Variants in LOXHD1 observed in about 807,000 individuals in gnomAD.
LOXHD1 encodes the protein lipoxygenase homology domain-containing protein 1.
In LOXHD1, 205 loss-of-function variants were observed where a neutral mutation model predicts 248.2. That is an observed-to-expected ratio of 0.83 (90% CI 0.74 to 0.93). The LOEUF is 0.93. Ranked by LOEUF, LOXHD1 falls within the 40% of genes least tolerant of loss-of-function variation. LOXHD1 has a pLI of 0.00. For missense variants in LOXHD1, 2,930 were observed against 2,971.6 expected (o/e 0.99, Z 0.33); for synonymous variants, 1,113 against 1,162.8 (o/e 0.96, Z 0.87).
At chr18:46,604,281 AC>A in intron 6 of LOXHD1, 52 bp from the exon 7 acceptor site, 1 of 1,546,846 alleles carries the variant, frequency 6.5e-7, no homozygotes, top group Non-Finnish European at 8.7e-7. Flanking sequence ...TTGAGGGTGC[AC>A]CTGGAGATCT....
intron 21 of LOXHD1, among the ~76,000 whole-genome samples, chr18:46,548,665 A>G (rs2143845115): frequency 6.6e-6 from 1 of 152,358 alleles, no homozygotes; most frequent in African/African-American, 2.4e-5. Flanking sequence ...CAATTAAGGA[A>G]GAGAGACAGA....
chr18:46,651,532 G>A (rs1471676380), intron 1 of LOXHD1, among the ~76,000 whole-genome samples: 3 of 151,956 alleles, frequency 2.0e-5, no homozygotes, highest in African/African-American at 7.3e-5. Context: ...ATAGACACCG[G>A]AGAATGCTTG....
intron 4 of LOXHD1, 114 bp downstream of exon 4, chr18:46,639,502 G>A: frequency 1.6e-6 from 2 of 1,267,550 alleles, no homozygotes. Context: ...GGCCCTGGAG[G>A]CATGCCAAGA....
chr18:46,604,966 C>T (rs1877367033), intron 6 of LOXHD1, among the ~76,000 whole-genome samples: 1 of 152,116 alleles, frequency 6.6e-6, no homozygotes, highest in African/African-American at 2.4e-5. Context: ...ACATGTATCT[C>T]ATAACATCAT....
intron 34 of LOXHD1, among the ~76,000 whole-genome samples, chr18:46,510,032 C>T (rs936868456): frequency 6.6e-6 from 1 of 152,158 alleles, no homozygotes; most frequent in Non-Finnish European, 1.5e-5. Flanking sequence ...GAAATGGCCC[C>T]GAACCAAGAG....
chr18:46,649,042 A>G (rs2039072677), intron 2 of LOXHD1, 113 bp downstream of exon 2: 2 of 840,272 alleles, frequency 2.4e-6, no homozygotes, highest in African/African-American at 3.4e-5. Context: ...ACCACTTAAT[A>G]ACCTGTGGTC....
At chr18:46,590,556 G>A (rs2038147449) in intron 12 of LOXHD1, among the ~76,000 whole-genome samples, 1 of 152,148 alleles carries the variant, frequency 6.6e-6, no homozygotes, top group South Asian at 2.1e-4. Context: ...CTGCCTTGGT[G>A]GACTACATAT....
chr18:46,608,035 G>GGAAGGAAGGAAGGAAGGAAGGAAGGAA (rs2038444221), intron 6 of LOXHD1, among the ~76,000 whole-genome samples: 1 of 111,268 alleles, frequency 9.0e-6, no homozygotes. Flanking sequence ...GAAGGAAGGA[G>GGAAGGAAGGAAGGAAGGAAGGAAGGAA]GGAAGGAAGG....
chr18:46,498,088 C>A (rs774058256), intron 37 of LOXHD1, among the ~76,000 whole-genome samples: 2 of 152,212 alleles, frequency 1.3e-5, no homozygotes, highest in Non-Finnish European at 2.9e-5. Context: ...AAGTTATTAT[C>A]AAACTAATTT....
intron 31 of LOXHD1, among the ~76,000 whole-genome samples, chr18:46,522,782 C>G (rs960718571): frequency 3.9e-5 from 6 of 152,262 alleles, no homozygotes; most frequent in South Asian, 2.1e-4. Flanking sequence ...AATGAAAGTC[C>G]TAGAAGACAG....
chr18:46,579,461 G>T (rs985271712), intron 13 of LOXHD1, among the ~76,000 whole-genome samples, 169 bp downstream of exon 13: 4 of 152,178 alleles, frequency 2.6e-5, no homozygotes, highest in African/African-American at 9.7e-5. Context: ...CCTCCCAGTG[G>T]CTCTGCTGGG....
intron 12 of LOXHD1, among the ~76,000 whole-genome samples, chr18:46,584,126 A>G (rs1223522733): frequency 1.3e-5 from 2 of 152,254 alleles, no homozygotes; most frequent in South Asian, 2.1e-4. Context: ...GATTTCACCC[A>G]TGTGGAATAT....
At chr18:46,503,711 T>C (rs1473065610) in intron 37 of LOXHD1, among the ~76,000 whole-genome samples, 1 of 152,234 alleles carries the variant, frequency 6.6e-6, no homozygotes, top group East Asian at 1.9e-4. Flanking sequence ...AGACTCATAA[T>C]GCCACTTGAA....
chr18:46,587,595 T>C (rs1307398130), intron 12 of LOXHD1, among the ~76,000 whole-genome samples: 1 of 152,178 alleles, frequency 6.6e-6, no homozygotes, highest in Non-Finnish European at 1.5e-5. Context: ...AATAGTTATA[T>C]TGTTAGATAC....
chr18:46,522,527 G>A (rs1461562459), intron 31 of LOXHD1, among the ~76,000 whole-genome samples: 1 of 152,206 alleles, frequency 6.6e-6, no homozygotes, highest in Non-Finnish European at 1.5e-5. Context: ...ACAGACCAAA[G>A]ACAGCATTCT....
At chr18:46,494,315 GA>G (rs1473620770) in intron 37 of LOXHD1, among the ~76,000 whole-genome samples, 2 of 152,164 alleles carry the variant, frequency 1.3e-5, no homozygotes, top group African/African-American at 4.8e-5. Context: ...ACTGATCAAT[GA>G]TTTTTACTTT....
intron 21 of LOXHD1, among the ~76,000 whole-genome samples, chr18:46,550,295 C>T (rs939703121): frequency 4.0e-5 from 6 of 151,398 alleles, no homozygotes; most frequent in African/African-American, 7.3e-5. Context: ...GCGTGTGGGC[C>T]GGGCACGGTG....
chr18:46,640,606 T>C (rs774166963), intron 3 of LOXHD1, among the ~76,000 whole-genome samples: 1 of 152,254 alleles, frequency 6.6e-6, no homozygotes, highest in Non-Finnish European at 1.5e-5. Flanking sequence ...TATAATTATG[T>C]AAAAATGTAT....
At chr18:46,573,940 G>A (rs997328022) in intron 14 of LOXHD1, among the ~76,000 whole-genome samples, 1 of 152,184 alleles carries the variant, frequency 6.6e-6, no homozygotes, top group South Asian at 2.1e-4. Flanking sequence ...ATGACAGGGG[G>A]ATTTGGGAAC....
Sources: allele counts gnomAD v4.1 joint callset (sites outside exome capture counted in the v4.1 genomes callset), GRCh38; gene constraint gnomAD v4.1.1; transcripts MANE v1.5; gene names NCBI Gene and HGNC (gene_info 2026-07-23, HGNC 2026-07-21).